The following KLHL24 variants were observed in gnomAD, a reference collection of about 807,000 sequenced individuals.
KLHL24 encodes the protein kelch like family member 24.
KLHL24 carries 29 observed loss-of-function variants against 53.4 expected under a neutral mutation model. The ratio of observed to expected loss-of-function variants is 0.54; its 90% confidence interval spans 0.40 to 0.74. The LOEUF is 0.74. Ranked by LOEUF, KLHL24 falls within the 30% of genes least tolerant of loss-of-function variation. KLHL24 has a pLI of 0.00. For missense variants in KLHL24, 504 were observed against 744.0 expected, an observed-to-expected ratio of 0.68 and a Z score of 3.75; for synonymous variants, 222 against 253.7, an observed-to-expected ratio of 0.88 and a Z score of 1.19.
rs776888025 is a variant in KLHL24 at position 183,670,983 on chromosome 3, C to A, written c.1225-51C>A. On this transcript the variant is annotated intron_variant, in intron 5 of 7. Transcript: ENST00000242810. Reference sequence around the variant, plus strand: ...CCCTTAATTCTTTAGCCAACTACTTCAAAATTCAGACTTTTGATAATTAAG... The same window carrying A: ...CCCTTAATTCTTTAGCCAACTACTTAAAAATTCAGACTTTTGATAATTAAG... The A allele has an allele frequency of 5.9e-5, 81 of 1,375,284 alleles. 1 individual carries two copies. In the South Asian group the frequency reaches 9.3e-4, roughly 16 times the overall value. 85.2% of individuals were successfully genotyped at this position (1,375,284 alleles called of 1,614,324 possible).
At chr3:183,662,161 G>T (rs1019673302) in intron 3 of KLHL24, among the ~76,000 whole-genome samples, 4 of 152,054 alleles carry the variant, frequency 2.6e-5, no homozygotes, top group Admixed American at 2.6e-4. Context: ...AAGTACTTTT[G>T]TTTGCATGTA....
intron 1 of KLHL24, among the ~76,000 whole-genome samples, chr3:183,637,374 C>T (rs1715481046): frequency 1.3e-5 from 2 of 152,164 alleles, no homozygotes; most frequent in African/African-American, 4.8e-5. Flanking sequence ...ATACTCGGCT[C>T]GGATGAGTTG....
rs1373902919 is a variant in KLHL24 at position 183,663,670 on chromosome 3, C to T, written c.1105+28C>T. On this transcript the variant is annotated intron_variant, in intron 4 of 7. Coordinates refer to ENST00000242810, the MANE Select transcript of KLHL24 (RefSeq NM_017644.3). This position sits in a 1 kb window ranked among gnomAD's most constrained non-coding sequence, Gnocchi z 4.9. ...AAATATAGAATTATTACAGTAGCTA[C>T]TTTTAATTTGGACACAGCTTCATTA... 1 of 1,340,158 alleles carries T rather than the reference C, an allele frequency of 7.5e-7. No homozygotes were observed. Among genetic ancestry groups the T allele is most frequent in the African/African-American group, 1.5e-5 (1 of 67,276 alleles). 83.0% of individuals were successfully genotyped at this position (1,340,158 alleles called of 1,614,324 possible).
At chr3:183,640,593 CTTTTTTCTTTTTTTT>C (rs869155961) in intron 1 of KLHL24, among the ~76,000 whole-genome samples, 11 of 144,750 alleles carry the variant, frequency 7.6e-5, no homozygotes, top group African/African-American at 2.6e-4. Flanking sequence ...TTTCTTTTTT[CTTTTTTCTTTTTTTT>C]TTTTTTTTTG....
At chr3:183,637,687 G>A (rs1331513331) in intron 1 of KLHL24, among the ~76,000 whole-genome samples, 1 of 152,152 alleles carries the variant, frequency 6.6e-6, no homozygotes, top group African/African-American at 2.4e-5. Flanking sequence ...TGTCACCCAG[G>A]CTGGAGTGGA....
intron 1 of KLHL24, chr3:183,636,128 C>T (rs1560139698): frequency 1.4e-5 from 2 of 141,770 alleles, no homozygotes; most frequent in South Asian, 2.6e-4. Flanking sequence ...GGCTAGTCGC[C>T]GCGGGGCCGG....
At chr3:183,674,829 T>C (rs1649407035) in intron 7 of KLHL24, among the ~76,000 whole-genome samples, 2 of 152,226 alleles carry the variant, frequency 1.3e-5, no homozygotes, top group South Asian at 4.1e-4. Flanking sequence ...TATCTGTCAT[T>C]TGTAGTCTCT....
At chr3:183,647,739 C>T (rs2108786123) in intron 2 of KLHL24, among the ~76,000 whole-genome samples, 1 of 151,848 alleles carries the variant, frequency 6.6e-6, no homozygotes, top group East Asian at 1.9e-4. Flanking sequence ...CGCAGTGGCT[C>T]ACGCCTGTAA....
At position 183,640,600 on chromosome 3, in the gene KLHL24, CTTTTTTT is replaced by C. The variant is rs761361160; in HGVS notation, c.-124-2869_-124-2863del. On this transcript the variant is annotated intron_variant, in intron 1 of 7. Coordinates refer to ENST00000242810, the MANE Select transcript of KLHL24 (RefSeq NM_017644.3). The stretch of plus-strand genomic sequence containing the variant: ...TTCTTTTTTTTCTTTTTTCTTTTTT[CTTTTTTT>C]TTTTTTTTTTGAGACAGAGTCTTGC... 1.3e-3 allele frequency among the ~76,000 whole-genome samples: 78 copies of C among 61,664 alleles called. No homozygotes were observed. The East Asian group carries it at 0.029, about 23-fold the overall frequency. The allele number at this position is 61,664 out of a possible 152,430, so 40.5% of individuals were successfully genotyped here.
intron 3 of KLHL24, among the ~76,000 whole-genome samples, chr3:183,654,158 G>A (rs1413706686): frequency 6.6e-6 from 1 of 151,972 alleles, no homozygotes; most frequent in Non-Finnish European, 1.5e-5. Flanking sequence ...GAGCTCTTTC[G>A]AATTTGATAT....
intron 7 of KLHL24, among the ~76,000 whole-genome samples, chr3:183,678,591 G>A (rs1036640851): frequency 5.9e-5 from 9 of 151,868 alleles, no homozygotes; most frequent in African/African-American, 1.9e-4. Flanking sequence ...GTGTCATGGG[G>A]GTTTGTTGTA....
At chr3:183,642,587 C>G (rs1315184181) in intron 1 of KLHL24, among the ~76,000 whole-genome samples, 6 of 130,198 alleles carry the variant, frequency 4.6e-5, no homozygotes, top group African/African-American at 1.8e-4. Context: ...AAGCATTCCT[C>G]TTCTCCCCTT....
chr3:183,663,462 A>T lies in KLHL24; in HGVS notation c.925A>T (p.Thr309Ser). Residue 309 changes from threonine (T) to serine (S), a missense_variant, in exon 4 of 8, where the codon ACT becomes TCT. Coordinates refer to ENST00000242810, the MANE Select transcript of KLHL24 (RefSeq NM_017644.3). This position sits in a 1 kb window ranked among gnomAD's most constrained non-coding sequence, Gnocchi z 4.9. ...MSPRTRPRRS[T>S]GYSEVIVVVG... ...CGCTAATAATTATTATTTTAGGTCC[A>T]CTGGCTATTCTGAGGTGATAGTTGT... The T allele has an allele frequency of 6.8e-7, 1 of 1,464,028 alleles. No individual in the cohort carries two copies. The highest frequency in any genetic ancestry group is 9.2e-7 in the Non-Finnish European group (1 of 1,092,800). 90.7% of individuals were successfully genotyped at this position (1,464,028 alleles called of 1,614,324 possible). A position where few individuals can be genotyped will look rare whatever the true frequency, so the allele number is the denominator to read the frequency against.
intron 3 of KLHL24, among the ~76,000 whole-genome samples, chr3:183,658,892 C>A (rs1309330284): frequency 2.0e-5 from 3 of 151,808 alleles, no homozygotes; most frequent in Admixed American, 2.0e-4. Flanking sequence ...CTCAATCTCA[C>A]AGACTCCAGC....
At chr3:183,661,200 A>T (rs1177914349) in intron 3 of KLHL24, among the ~76,000 whole-genome samples, 3 of 151,366 alleles carry the variant, frequency 2.0e-5, no homozygotes, top group African/African-American at 7.3e-5. Context: ...TCGCCACTGC[A>T]CTCCAGCCTT....
intron 2 of KLHL24, among the ~76,000 whole-genome samples, chr3:183,645,980 A>G (rs1219133525): frequency 2.6e-5 from 4 of 152,126 alleles, no homozygotes; most frequent in South Asian, 2.1e-4. Flanking sequence ...ATTATATTAC[A>G]TCACAAAGCT....
intron 2 of KLHL24, among the ~76,000 whole-genome samples, chr3:183,645,110 T>G (rs1435701217): frequency 6.6e-6 from 1 of 152,260 alleles, no homozygotes; most frequent in African/African-American, 2.4e-5. Flanking sequence ...TGTAGCTAAT[T>G]CAACCATAAT....
rs755654793 is a variant in KLHL24 at position 183,651,059 on chromosome 3, C to T, written c.703C>T (p.Arg235Cys). Residue 235 changes from arginine (R) to cysteine (C), a missense_variant, in exon 3 of 8, where the codon CGT becomes TGT. Coordinates refer to ENST00000242810, the MANE Select transcript of KLHL24 (RefSeq NM_017644.3). ...GGAGATGGTTTTTGAAGCCGTCATG[C>T]GTTGGGTCTATCGTGCCGTTGATCT... Reference protein sequence around the residue: ...KEEMVFEAVMRWVYRAVDLRR... With the variant: ...KEEMVFEAVMCWVYRAVDLRR... 3.1e-6 allele frequency: 5 copies of T among 1,614,108 alleles called. No homozygotes were observed. Among genetic ancestry groups the T allele is most frequent in the Non-Finnish European group, 4.2e-6 (5 of 1,179,972 alleles).
At position 183,682,355 on chromosome 3, in the gene KLHL24, C is replaced by A. The variant is rs1012808923; in HGVS notation, c.*3069C>A. ...CTTCCTCCTTTTCTACTGTAATCTT[C>A]CCACTGACTTTACTGCACAGGTATG... On this transcript the variant is annotated 3_prime_UTR_variant, in exon 8 of 8. Coordinates refer to ENST00000242810, the MANE Select transcript of KLHL24 (RefSeq NM_017644.3). The A allele has an allele frequency of 2.6e-5, 4 of 152,356 alleles. No homozygotes were observed. The allele number at this position is 152,356 out of a possible 1,614,324, so 9.4% of individuals were successfully genotyped here. A position where few individuals can be genotyped will look rare whatever the true frequency, so the allele number is the denominator to read the frequency against.
Sources: allele counts gnomAD v4.1 joint callset (sites outside exome capture counted in the v4.1 genomes callset), GRCh38; gene constraint gnomAD v4.1.1; non-coding constraint Gnocchi (gnomAD v3.1); transcripts MANE v1.5; gene names NCBI Gene and HGNC (gene_info 2026-07-23, HGNC 2026-07-21).